CLIC5: variants seen among roughly 807,000 people sequenced by gnomAD.
CLIC5 encodes CLIC family member 5, also known as chloride intracellular channel protein 5.
A neutral mutation model predicts 24.7 loss-of-function variants in CLIC5; 20 were observed. That is an observed-to-expected ratio of 0.81 (90% CI 0.57 to 1.18). CLIC5 has a LOEUF of 1.18. Among genes scored for constraint, CLIC5 ranks in the 50% most tolerant of loss-of-function variants. The pLI is 0.00. For synonymous variants in CLIC5, 159 were observed against 135.6 expected (o/e 1.17, Z -1.20); for missense variants, 341 against 326.1 (o/e 1.05, Z -0.35).
intron 4 of CLIC5, among the ~76,000 whole-genome samples, chr6:45,925,463 C>T (rs1459830516): frequency 2.4e-4 from 37 of 152,178 alleles, no homozygotes; most frequent in Non-Finnish European, 4.4e-5. Flanking sequence ...ACTACAGGCG[C>T]GTGCCACCAC....
At chr6:46,077,275 G>T (rs376469789) in intron 1 of CLIC5, among the ~76,000 whole-genome samples, 19 of 152,174 alleles carry the variant, frequency 1.2e-4, no homozygotes, top group African/African-American at 4.1e-4. Context: ...TTACAAACCT[G>T]CATGACATTC....
the CLIC5 span, among the ~76,000 whole-genome samples, chr6:46,106,553 T>C: frequency 2.0e-5 from 3 of 152,238 alleles, no homozygotes; most frequent in Non-Finnish European, 2.9e-5. Context: ...GTGGTCCAGT[T>C]GAAGAATGAA....
chr6:45,951,984 T>C (rs978911750), intron 2 of CLIC5, among the ~76,000 whole-genome samples: 22 of 152,196 alleles, frequency 1.4e-4, no homozygotes, highest in South Asian at 2.1e-4. Flanking sequence ...GTCCCTTTAT[T>C]TACTTTGTGC....
intron 4 of CLIC5, among the ~76,000 whole-genome samples, chr6:45,930,659 G>A (rs548897966): frequency 6.6e-6 from 1 of 152,316 alleles, no homozygotes; most frequent in East Asian, 1.9e-4. Context: ...AAGCTGGGCT[G>A]CCCAGTCCAA....
the CLIC5 span, among the ~76,000 whole-genome samples, chr6:46,092,522 T>G: frequency 1.2e-4 from 19 of 152,220 alleles, no homozygotes; most frequent in African/African-American, 4.6e-4. Context: ...CATAAAACTT[T>G]AACTCAAGTC....
At chr6:46,031,548 G>A (rs1767498334) in intron 1 of CLIC5, among the ~76,000 whole-genome samples, 1 of 152,072 alleles carries the variant, frequency 6.6e-6, no homozygotes, top group African/African-American at 2.4e-5. Flanking sequence ...AATGTGGGTA[G>A]GAAGTGTATA....
intron 6 of CLIC5, among the ~76,000 whole-genome samples, chr6:45,889,646 A>C (rs540613006): frequency 6.6e-6 from 1 of 152,324 alleles, no homozygotes; most frequent in African/African-American, 2.4e-5. Context: ...GATCAGGGAC[A>C]AGGAAGAGTG....
intron 1 of CLIC5, among the ~76,000 whole-genome samples, chr6:46,038,965 A>T (rs1020515142): frequency 6.6e-6 from 1 of 152,232 alleles, no homozygotes; most frequent in African/African-American, 2.4e-5. Flanking sequence ...TGTACTATGG[A>T]GATAAGAATA....
the CLIC5 span, among the ~76,000 whole-genome samples, chr6:46,102,103 T>C: frequency 6.6e-6 from 1 of 152,184 alleles, no homozygotes; most frequent in Non-Finnish European, 1.5e-5. Flanking sequence ...AATCACTTCA[T>C]ACAAGGCAGA....
chr6:45,987,525 C>G (rs576077341), intron 1 of CLIC5, among the ~76,000 whole-genome samples: 14 of 152,288 alleles, frequency 9.2e-5, no homozygotes, highest in African/African-American at 3.4e-4. Context: ...ATCACAACAC[C>G]AAAGTCTTAG....
At chr6:45,919,557 T>C (rs1392087254) in intron 4 of CLIC5, among the ~76,000 whole-genome samples, 1 of 152,150 alleles carries the variant, frequency 6.6e-6, no homozygotes, top group African/African-American at 2.4e-5. Flanking sequence ...GCTTTTCTTT[T>C]AGTTTTCCCA....
At chr6:45,963,196 T>G (rs1226462417) in intron 1 of CLIC5, among the ~76,000 whole-genome samples, 2 of 152,140 alleles carry the variant, frequency 1.3e-5, no homozygotes, top group African/African-American at 4.8e-5. Context: ...TTCCTTTGTG[T>G]CTTCATCCTA....
chr6:45,975,207 G>A (rs1310691296), intron 1 of CLIC5, among the ~76,000 whole-genome samples: 2 of 152,116 alleles, frequency 1.3e-5, no homozygotes, highest in African/African-American at 4.8e-5. Flanking sequence ...GCAGGATGTA[G>A]CTTTGGTGAG....
chr6:46,053,563 C>A (rs978066059), intron 1 of CLIC5, among the ~76,000 whole-genome samples: 1 of 152,276 alleles, frequency 6.6e-6, no homozygotes, highest in East Asian at 1.9e-4. Flanking sequence ...TAGAAAGTGG[C>A]CTTCCCTCCC....
intron 1 of CLIC5, among the ~76,000 whole-genome samples, chr6:45,978,055 G>T (rs1034720491): frequency 6.6e-6 from 1 of 152,138 alleles, no homozygotes; most frequent in African/African-American, 2.4e-5. Context: ...CACTTACTAG[G>T]GTTGTAATCT....
chr6:46,020,532 C>T (rs1476136001), upstream of CLIC5, among the ~76,000 whole-genome samples: 1 of 151,402 alleles, frequency 6.6e-6, no homozygotes, highest in African/African-American at 2.4e-5. Context: ...AAAGAACAGC[C>T]AGCTAAAACC....
chr6:45,948,096 G>A (rs1008324815), intron 3 of CLIC5, among the ~76,000 whole-genome samples: 58 of 152,280 alleles, frequency 3.8e-4, no homozygotes, highest in African/African-American at 1.3e-3. Context: ...GATAATGATA[G>A]TACCTAGGAT....
chr6:45,984,550 T>C (rs929241075), intron 1 of CLIC5, among the ~76,000 whole-genome samples: 1 of 152,194 alleles, frequency 6.6e-6, no homozygotes, highest in Non-Finnish European at 1.5e-5. Flanking sequence ...TTCTAGGTAA[T>C]GTAGTACGTG....
chr6:45,929,452 A>G (rs543083662), intron 4 of CLIC5, among the ~76,000 whole-genome samples: 2 of 152,326 alleles, frequency 1.3e-5, no homozygotes, highest in African/African-American at 4.8e-5. Flanking sequence ...GTTTTTCCTT[A>G]CAAGAATGCT....
Sources: allele counts gnomAD v4.1 joint callset (sites outside exome capture counted in the v4.1 genomes callset), GRCh38; gene constraint gnomAD v4.1.1; transcripts MANE v1.5; gene names NCBI Gene and HGNC (gene_info 2026-07-23, HGNC 2026-07-21).